The following FLI1 variants were observed in gnomAD, a reference collection of about 807,000 sequenced individuals.
FLI1 encodes Fli-1 proto-oncogene, ETS transcription factor.
A neutral mutation model predicts 53.1 loss-of-function variants in FLI1; 13 were observed. The ratio of observed to expected loss-of-function variants is 0.24; its 90% CI spans 0.16 to 0.39. The LOEUF (loss-of-function observed/expected upper bound fraction) is 0.39, where lower values mean the gene tolerates loss of function less well. Among genes scored for constraint, FLI1 ranks in the 10% least tolerant of loss-of-function variants. The pLI is 1.00. For missense variants in FLI1, 424 were observed against 600.5 expected, an observed-to-expected ratio of 0.71 and a Z score of 3.07; for synonymous variants, 244 against 236.7, an observed-to-expected ratio of 1.03 and a Z score of -0.28.
chr11:128,748,674 ACT>A (rs1348040110), intron 1 of FLI1, among the ~76,000 whole-genome samples: 1 of 152,028 alleles, frequency 6.6e-6, no homozygotes, highest in African/African-American at 2.4e-5. Flanking sequence ...TCAGCCGGAC[ACT>A]CTGAAGCTCT....
chr11:128,732,566 C>A (rs1939742974), intron 1 of FLI1, among the ~76,000 whole-genome samples: 1 of 152,164 alleles, frequency 6.6e-6, no homozygotes, highest in African/African-American at 2.4e-5. Flanking sequence ...TCTAATTATA[C>A]ATGTGGTAGG....
In FLI1 at chr11:128,792,215, C is replaced by T. The variant is rs74402722; in HGVS notation, c.655+10192C>T. ...AGAGCCTGTTCCTGTAGTCCCCTCC[C>T]CACCTAGGCAATGGCAAGGGCTCCA... On this transcript the variant is annotated intron_variant, in intron 5 of 8. Coordinates refer to ENST00000527786, the MANE Select transcript of FLI1 (RefSeq NM_002017.5). Among the ~76,000 whole-genome samples the T allele has an allele frequency of 5.9e-4, 90 of 152,276 alleles. No individual in the cohort carries two copies. The East Asian group carries it at 0.016, about 27-fold the overall frequency.
At chr11:128,709,746 G>A (rs1938706679) in intron 1 of FLI1, among the ~76,000 whole-genome samples, 1 of 152,200 alleles carries the variant, frequency 6.6e-6, no homozygotes, top group Admixed American at 6.5e-5. Context: ...CCGTCTGGCT[G>A]ACCAAATACC....
chr11:128,730,353 C>T (rs1051484068), intron 1 of FLI1, among the ~76,000 whole-genome samples: 1 of 152,224 alleles, frequency 6.6e-6, no homozygotes, highest in African/African-American at 2.4e-5. Flanking sequence ...GTGGGTCAGC[C>T]TCTCAGTAGC....
intron 1 of FLI1, among the ~76,000 whole-genome samples, chr11:128,695,006 GC>G (rs1352321556): frequency 1.3e-5 from 2 of 151,940 alleles, no homozygotes; most frequent in African/African-American, 4.8e-5. Context: ...AGCGCCCCGA[GC>G]CCCCGCCCTT....
At chr11:128,768,974 G>A (rs892094792) in intron 3 of FLI1, among the ~76,000 whole-genome samples, 4 of 152,206 alleles carry the variant, frequency 2.6e-5, no homozygotes, top group East Asian at 1.9e-4. Context: ...CTCCAGGCTC[G>A]TACTTCCCGG....
intron 5 of FLI1, chr11:128,804,688 C>T (rs1400205562): frequency 2.6e-5 from 4 of 152,192 alleles, no homozygotes; most frequent in African/African-American, 9.7e-5. Context: ...TCTCCACTAT[C>T]AATAGAAAAG....
In FLI1 at chr11:128,698,796, A is replaced by G. The variant is rs77766545; in HGVS notation, c.18+4520A>G. 3.2e-3 allele frequency among the ~76,000 whole-genome samples: 494 copies of G among 152,210 alleles called. 1 individual carries two copies. The highest frequency in any genetic ancestry group is 0.011 in the African/African-American group (470 of 41,498). On this transcript the variant is annotated intron_variant, in intron 1 of 8. Coordinates refer to ENST00000527786, the MANE Select transcript of FLI1 (RefSeq NM_002017.5). Reference sequence around the variant, plus strand: ...AATCATAAAGAATTTGGCACTTTACACTAAAGACACCTCTGGTATTTAATG... The same window carrying G: ...AATCATAAAGAATTTGGCACTTTACGCTAAAGACACCTCTGGTATTTAATG...
intron 1 of FLI1, among the ~76,000 whole-genome samples, chr11:128,728,618 GA>G (rs1232821701): frequency 6.6e-6 from 1 of 152,324 alleles, no homozygotes; most frequent in African/African-American, 2.4e-5. Context: ...GTGTCCTTGT[GA>G]CCAGAGCCAC....
intron 1 of FLI1, among the ~76,000 whole-genome samples, chr11:128,700,968 A>G (rs1291143202): frequency 6.6e-6 from 1 of 152,252 alleles, no homozygotes; most frequent in Non-Finnish European, 1.5e-5. Flanking sequence ...CAAGTCTCTT[A>G]GAAACAAATC....
Position 128,765,813 on chromosome 11 carries a change from G to A in FLI1, c.231-2305G>A, listed in dbSNP as rs143365886. Among the ~76,000 whole-genome samples, 29 of 152,068 alleles carry A rather than the reference G, an allele frequency of 1.9e-4. No homozygotes were observed. The East Asian group carries it at 5.2e-3, about 27-fold the overall frequency. On this transcript the variant is annotated intron_variant, in intron 2 of 8. Transcript: ENST00000527786. ...GTGTGTGTAATGTGTATGCGTGTGTGTGCACTGTGTTTGCATGTGTGTGCA... is the reference window on the plus strand; with the variant it reads ...GTGTGTGTAATGTGTATGCGTGTGTATGCACTGTGTTTGCATGTGTGTGCA...
At chr11:128,771,183 A>C (rs568130985) in intron 3 of FLI1, among the ~76,000 whole-genome samples, 1 of 152,318 alleles carries the variant, frequency 6.6e-6, no homozygotes, top group South Asian at 2.1e-4. Flanking sequence ...CAGGTGGCAC[A>C]TAGCACCCAC....
intron 1 of FLI1, among the ~76,000 whole-genome samples, chr11:128,748,742 G>C (rs1301600359): frequency 6.6e-6 from 1 of 152,198 alleles, no homozygotes; most frequent in African/African-American, 2.4e-5. Context: ...AAGTGGAAAC[G>C]GTTTAGGGGA....
In FLI1 at chr11:128,790,854, G is replaced by A. The variant is rs192468345; in HGVS notation, c.655+8831G>A. ...TCCCCAGTTTCTGTGTTAATTGATGGATTAATTTAATGAAACGCATCACCA... is the reference window on the plus strand; with the variant it reads ...TCCCCAGTTTCTGTGTTAATTGATGAATTAATTTAATGAAACGCATCACCA... On this transcript the variant is annotated intron_variant, in intron 5 of 8. Coordinates refer to ENST00000527786, the MANE Select transcript of FLI1 (RefSeq NM_002017.5). Among the ~76,000 whole-genome samples the A allele has an allele frequency of 4.3e-4, 65 of 152,274 alleles. No homozygotes were observed. In the East Asian group the frequency reaches 0.011, roughly 27 times the overall value.
At chr11:128,745,653 A>G (rs929699691) in intron 1 of FLI1, among the ~76,000 whole-genome samples, 2 of 152,198 alleles carry the variant, frequency 1.3e-5, no homozygotes, top group African/African-American at 4.8e-5. Flanking sequence ...CCTGAGAGGA[A>G]ACGAAATAAA....
intron 1 of FLI1, among the ~76,000 whole-genome samples, chr11:128,749,533 A>G (rs1484337232): frequency 1.3e-5 from 2 of 152,230 alleles, no homozygotes; most frequent in Non-Finnish European, 2.9e-5. Flanking sequence ...GGAAGTCATA[A>G]TACCTTTATC....
At chr11:128,780,795 G>A (rs1002487345) in intron 4 of FLI1, among the ~76,000 whole-genome samples, 3 of 152,180 alleles carry the variant, frequency 2.0e-5, no homozygotes, top group East Asian at 1.9e-4. Context: ...CAGTCCACTC[G>A]GCCACAGGGA....
At chr11:128,702,579 G>C (rs1565456458) in intron 1 of FLI1, among the ~76,000 whole-genome samples, 1 of 152,038 alleles carries the variant, frequency 6.6e-6, no homozygotes, top group Non-Finnish European at 1.5e-5. Flanking sequence ...TATTAACATG[G>C]GGCCAGGCAC....
upstream of FLI1, among the ~76,000 whole-genome samples, chr11:128,689,250 G>C (rs1312019837): frequency 1.3e-5 from 2 of 152,204 alleles, no homozygotes; most frequent in Non-Finnish European, 2.9e-5. Flanking sequence ...GGGACCAGGA[G>C]ACCCAGTGGA....
Sources: allele counts gnomAD v4.1 joint callset (sites outside exome capture counted in the v4.1 genomes callset), GRCh38; gene constraint gnomAD v4.1.1; transcripts MANE v1.5; gene names NCBI Gene and HGNC (gene_info 2026-07-23, HGNC 2026-07-21).